FAP: variants seen among roughly 807,000 people sequenced by gnomAD.
FAP encodes fibroblast activation protein alpha.
FAP carries 110 observed loss-of-function variants against 126.5 expected under a neutral mutation model. That is an observed-to-expected ratio of 0.87 (90% CI 0.74 to 1.02). The LOEUF (loss-of-function observed/expected upper bound fraction) is 1.02. Ranked by LOEUF, FAP falls within the 50% of genes least tolerant of loss-of-function variation. The pLI, the probability that FAP is intolerant of heterozygous loss-of-function variation, is 0.00. For missense variants in FAP, 919 were observed against 909.2 expected (o/e 1.01, Z -0.14); for synonymous variants, 334 against 297.3 (o/e 1.12, Z -1.27).
intron 25 of FAP, 59 bp downstream of exon 25, chr2:162,172,752 C>A: frequency 9.0e-7 from 1 of 1,107,600 alleles, no homozygotes; most frequent in Non-Finnish European, 1.4e-6. Flanking sequence ...AAAATATGAA[C>A]CCCTCCTTTT....
At chr2:162,238,635 T>G (rs973097554) in intron 2 of FAP, among the ~76,000 whole-genome samples, 1 of 152,190 alleles carries the variant, frequency 6.6e-6, no homozygotes, top group Non-Finnish European at 1.5e-5. Context: ...TCCATAAGAA[T>G]AGTGAAAAAA....
intron 9 of FAP, among the ~76,000 whole-genome samples, chr2:162,217,671 A>T (rs1689204946): frequency 6.6e-6 from 1 of 152,204 alleles, no homozygotes; most frequent in Admixed American, 6.5e-5. Flanking sequence ...GCAAAACAGA[A>T]CTTTACCCTG....
At chr2:162,199,031 A>T in intron 15 of FAP, 150 bp from the exon 16 acceptor site, 1 of 694,956 alleles carries the variant, frequency 1.4e-6, no homozygotes, top group Non-Finnish European at 2.4e-6. Flanking sequence ...AAGGGGAATC[A>T]CAGTATTTTG....
rs1689147793 is a variant in FAP at position 162,216,005 on chromosome 2, C to A, written c.763-4G>T. ...CAACGGGATTCTTAGCTCCAGCCTG[C>A]CAAGAAAATTGAGATATATAAGCTC... is the stretch of plus-strand genomic sequence containing the variant. On this transcript the variant is annotated splice_polypyrimidine_tract_variant and splice_region_variant and intron_variant, in intron 9 of 25. Coordinates refer to ENST00000188790, the MANE Select transcript of FAP (RefSeq NM_004460.5). The A allele has an allele frequency of 1.9e-6, 3 of 1,609,694 alleles. No homozygotes were observed. The highest frequency in any genetic ancestry group is 2.6e-6 in the Non-Finnish European group (3 of 1,176,464).
chr2:162,231,860 T>A (rs1051134916), intron 2 of FAP, among the ~76,000 whole-genome samples: 1 of 152,204 alleles, frequency 6.6e-6, no homozygotes. Context: ...GAAAATTAAG[T>A]GGCATACAAA....
chr2:162,173,197 C>A lies in FAP; in HGVS notation c.2059G>T (p.Glu687Ter). The A allele has an allele frequency of 6.2e-7, 1 of 1,613,118 alleles. No homozygotes were observed. The highest frequency in any genetic ancestry group is 8.5e-7 in the Non-Finnish European group (1 of 1,179,268). The change falls in exon 24 of 26, where the codon GAA becomes TAA. Residue 687 changes from glutamate to a stop codon, truncating the protein, a stop_gained. Transcript: ENST00000188790. LOFTEE classifies it high-confidence loss of function. ...AGATAGTCTACATTTCTGAAATATTCTGCTCTTGCCATCACAGTTGAATTC... is the reference window on the plus strand; with the variant it reads ...AGATAGTCTACATTTCTGAAATATTATGCTCTTGCCATCACAGTTGAATTC... ...YKNSTVMARA[E>*]YFRNVDYLLI...
chr2:162,225,130 A>G (rs1689581013), intron 4 of FAP, among the ~76,000 whole-genome samples: 1 of 152,152 alleles, frequency 6.6e-6, no homozygotes, highest in African/African-American at 2.4e-5. Context: ...ACCAAGGAAA[A>G]TACCGAGGCA....
intron 2 of FAP, among the ~76,000 whole-genome samples, chr2:162,230,125 A>T (rs1382259716): frequency 6.6e-6 from 1 of 152,178 alleles, no homozygotes; most frequent in Non-Finnish European, 1.5e-5. Context: ...CAGGCTGGGT[A>T]CATTAAGTTC....
At chr2:162,180,780 G>T (rs1045473203) in intron 21 of FAP, among the ~76,000 whole-genome samples, 3 of 152,178 alleles carry the variant, frequency 2.0e-5, no homozygotes, top group African/African-American at 7.2e-5. Flanking sequence ...TTAGGCGTAA[G>T]TTAAGTTTGA....
At chr2:162,212,311 T>C (rs1200928481) in intron 11 of FAP, among the ~76,000 whole-genome samples, 1 of 152,196 alleles carries the variant, frequency 6.6e-6, no homozygotes, top group Non-Finnish European at 1.5e-5. Context: ...TAGTCCCTAA[T>C]AGCTAGATTC....
Position 162,217,983 on chromosome 2 carries a change from T to G in FAP, c.762+3A>C, listed in dbSNP as rs1689218439. Reference sequence around the variant, plus strand: ...AAAGCATCGCTGAAAGTATTCAACATACCTTTGGGTATGGAATATTTATTG... The same window carrying G: ...AAAGCATCGCTGAAAGTATTCAACAGACCTTTGGGTATGGAATATTTATTG... On this transcript the variant is annotated splice_donor_region_variant and intron_variant, in intron 9 of 25. Coordinates refer to ENST00000188790, the MANE Select transcript of FAP (RefSeq NM_004460.5). 1 of 1,569,792 alleles carries G rather than the reference T, an allele frequency of 6.4e-7. No individual in the cohort carries two copies. Among genetic ancestry groups the G allele is most frequent in the Admixed American group, 1.9e-5 (1 of 52,488 alleles).
At chr2:162,210,808 A>C (rs1044239899) in intron 11 of FAP, among the ~76,000 whole-genome samples, 11 of 152,328 alleles carry the variant, frequency 7.2e-5, no homozygotes, top group African/African-American at 2.6e-4. Flanking sequence ...TGTTTGGGAA[A>C]AGAATGATAA....
intron 16 of FAP, chr2:162,195,145 A>G (rs751922978): frequency 9.8e-6 from 2 of 204,820 alleles, no homozygotes; most frequent in South Asian, 1.0e-4. Flanking sequence ...TGTATTTTCA[A>G]TCTGGCTTCT....
At chr2:162,218,669 G>C (rs1423013060) in intron 8 of FAP, among the ~76,000 whole-genome samples, 1 of 151,644 alleles carries the variant, frequency 6.6e-6, no homozygotes, top group East Asian at 1.9e-4. Flanking sequence ...GACCTAGAAT[G>C]AGAACAAAAT....
rs148803327 is a variant in FAP, at chr2:162,215,946, G to A, written c.818C>T (p.Ala273Val). Residue 273 changes from alanine (A) to valine (V), a missense_variant, in exon 10 of 26, where the codon GCG (alanine) becomes GTG (valine). Coordinates refer to ENST00000188790, the MANE Select transcript of FAP (RefSeq NM_004460.5). ...RIFIIDTTYPAYVGPQEVPVP... is the reference protein window; with the variant it reads ...RIFIIDTTYPVYVGPQEVPVP... ...AGGCACTTCCTGGGGACCTACATAC[G>A]CAGGGTAAGTGGTATCGATAATAAA... is the stretch of plus-strand genomic sequence containing the variant. The A allele has an allele frequency of 2.4e-5, 39 of 1,614,020 alleles. No homozygotes were observed. The highest frequency in any genetic ancestry group is 2.3e-4 in the African/African-American group (17 of 75,018).
chr2:162,198,032 A>G (rs557078644), intron 16 of FAP: 18 of 577,872 alleles, frequency 3.1e-5, no homozygotes, highest in Non-Finnish European at 1.0e-5. Context: ...TGTTTGCCAC[A>G]TGCTCAAGAT....
intron 17 of FAP, 36 bp from the exon 18 acceptor site, chr2:162,189,790 T>C (rs769383774): frequency 8.1e-7 from 1 of 1,227,866 alleles, no homozygotes; most frequent in South Asian, 1.3e-5. Flanking sequence ...TAATCAATAG[T>C]ATTTCCATAA....
chr2:162,173,183 A>G lies in FAP; in HGVS notation c.2073T>C (p.Asn691=), dbSNP rs761015286. The change falls in exon 24 of 26, where the codon AAT becomes AAC. Residue 691 remains asparagine, a synonymous_variant. Coordinates refer to ENST00000188790, the MANE Select transcript of FAP (RefSeq NM_004460.5). The part of the protein sequence containing the change: ...TVMARAEYFR[N]VDYLLIHGTA... ...TTCCGTGGATGAGAAGATAGTCTAC[A>G]TTTCTGAAATATTCTGCTCTTGCCA... 1 of 1,613,226 alleles carries G rather than the reference A, an allele frequency of 6.2e-7. No homozygotes were observed. Among genetic ancestry groups the G allele is most frequent in the Non-Finnish European group, 8.5e-7 (1 of 1,179,328 alleles).
chr2:162,239,664 G>T (rs1341205836), intron 2 of FAP, among the ~76,000 whole-genome samples: 1 of 152,080 alleles, frequency 6.6e-6, no homozygotes, highest in Non-Finnish European at 1.5e-5. Flanking sequence ...GAAGAACACA[G>T]ACACAAAATG....
Sources: allele counts gnomAD v4.1 joint callset (sites outside exome capture counted in the v4.1 genomes callset), GRCh38; gene constraint gnomAD v4.1.1; transcripts MANE v1.5; gene names NCBI Gene and HGNC (gene_info 2026-07-23, HGNC 2026-07-21).